The following DGKH variants were observed in gnomAD, a reference collection of about 807,000 sequenced individuals.
The protein encoded by DGKH is diacylglycerol kinase eta.
A neutral mutation model predicts 159.3 loss-of-function variants in DGKH; 90 were observed. The ratio of observed to expected loss-of-function variants is 0.57; its 90% CI spans 0.48 to 0.67. The LOEUF (loss-of-function observed/expected upper bound fraction) is 0.67, where lower values mean the gene tolerates loss of function less well. Ranked by LOEUF, DGKH falls within the 30% of genes least tolerant of loss-of-function variation. The pLI is 0.00. For missense variants in DGKH, 1,181 were observed against 1,506.1 expected (o/e 0.78, Z 3.57); for synonymous variants, 536 against 553.8 (o/e 0.97, Z 0.45).
At chr13:42,114,654 G>A (rs933869869) in intron 1 of DGKH, among the ~76,000 whole-genome samples, 2 of 152,208 alleles carry the variant, frequency 1.3e-5, no homozygotes, top group African/African-American at 4.8e-5. Context: ...TAAGATCGGT[G>A]TTCTAAGAAG....
At chr13:42,131,804 G>T (rs1955296662) in intron 3 of DGKH, among the ~76,000 whole-genome samples, 2 of 152,212 alleles carry the variant, frequency 1.3e-5, no homozygotes, top group South Asian at 4.1e-4. Flanking sequence ...ATATTTGAGG[G>T]ATTGTTAACT....
At chr13:42,040,324 C>A (rs573252694) in intron 1 of DGKH, among the ~76,000 whole-genome samples, 1 of 152,236 alleles carries the variant, frequency 6.6e-6, no homozygotes, top group South Asian at 2.1e-4. Context: ...CAGCCTAGCC[C>A]AGCCCAGCCC....
At position 42,048,791 on chromosome 13, in the gene DGKH, C is replaced by T. The variant is rs913927233; in HGVS notation, c.18C>T (p.Gly6=). The stretch of plus-strand genomic sequence containing the variant: ...CGGAGAGGATGGCAGGGGCCGGAGG[C>T]CAGCACCACCCTCCGGGCGCCGCTG... MAGAG[G]QHHPPGAAGG... Residue 6 remains glycine, a synonymous_variant, in exon 1 of 30, where the codon GGC becomes GGT. Transcript: ENST00000337343. The surrounding 1 kb of genome is among the most constrained non-coding windows in gnomAD (Gnocchi z 6.7). The T allele has an allele frequency of 6.1e-6, 8 of 1,310,674 alleles. No homozygotes were observed. In the African/African-American group the frequency reaches 1.1e-4, roughly 18 times the overall value. The allele number at this position is 1,310,674 out of a possible 1,614,324, so 81.2% of individuals were successfully genotyped here.
intron 1 of DGKH, chr13:42,069,100 C>T (rs1339291478): frequency 2.1e-6 from 3 of 1,401,786 alleles, no homozygotes; most frequent in Non-Finnish European, 2.0e-6. Context: ...AGAGGAACTC[C>T]TCACTGTTGT....
chr13:42,102,256 C>T (rs935256627), intron 1 of DGKH, among the ~76,000 whole-genome samples: 1 of 152,258 alleles, frequency 6.6e-6, no homozygotes, highest in Non-Finnish European at 1.5e-5. Flanking sequence ...AGGTCAAACA[C>T]CTGCTGGAGC....
At chr13:42,199,544 G>A (rs768090208) in intron 18 of DGKH, 22 bp from the exon 19 acceptor site, 7 of 1,486,324 alleles carry the variant, frequency 4.7e-6, no homozygotes, top group East Asian at 2.3e-5. Context: ...TGACTTTGAT[G>A]TACTTTTCCC....
In DGKH at chr13:42,204,186, T is replaced by C. The variant is rs75633086; in HGVS notation, c.2494-1853T>C. On this transcript the variant is annotated intron_variant, in intron 20 of 29. Coordinates refer to ENST00000337343, the MANE Select transcript of DGKH (RefSeq NM_178009.5). ...TTTATATTTACAGAGATAGTATTTT[T>C]CCCCATTTCCTTTGTTAGTCATATG... 4.6e-5 allele frequency among the ~76,000 whole-genome samples: 7 copies of C among 152,220 alleles called. No individual in the cohort carries two copies. In the East Asian group the frequency reaches 1.2e-3, roughly 25 times the overall value.
intron 29 of DGKH, among the ~76,000 whole-genome samples, chr13:42,224,228 T>G (rs1958060713): frequency 1.3e-5 from 2 of 152,234 alleles, no homozygotes; most frequent in African/African-American, 4.8e-5. Context: ...CCTATTGCAC[T>G]CCTGTTCTGC....
At chr13:42,050,310 G>A (rs1281722974) in intron 1 of DGKH, among the ~76,000 whole-genome samples, 3 of 152,194 alleles carry the variant, frequency 2.0e-5, no homozygotes, top group African/African-American at 7.2e-5. Flanking sequence ...GGCGGAGGTT[G>A]TGGCGAGCAG....
intron 1 of DGKH, chr13:42,070,478 G>A (rs1593982903): frequency 7.8e-7 from 1 of 1,276,386 alleles, no homozygotes; most frequent in African/African-American, 1.5e-5. Context: ...ATAATTATTA[G>A]GAGAAAGTAA....
intron 3 of DGKH, among the ~76,000 whole-genome samples, chr13:42,142,467 A>G (rs1017555930): frequency 5.3e-5 from 8 of 151,348 alleles, no homozygotes; most frequent in Non-Finnish European, 1.0e-4. Flanking sequence ...ATGGCATTGA[A>G]TCTATAAATT....
chr13:42,245,324 C>T (rs1164181455), downstream of DGKH, among the ~76,000 whole-genome samples: 1 of 152,144 alleles, frequency 6.6e-6, no homozygotes, highest in East Asian at 1.9e-4. Flanking sequence ...TTTCATGACG[C>T]TATCCCAATG....
intron 26 of DGKH, among the ~76,000 whole-genome samples, chr13:42,218,047 T>C (rs1957851368): frequency 6.6e-6 from 1 of 152,066 alleles, no homozygotes; most frequent in African/African-American, 2.4e-5. Flanking sequence ...ATCATCATCA[T>C]CATCATCATC....
At chr13:42,182,431 G>A (rs1254234751) in intron 13 of DGKH, among the ~76,000 whole-genome samples, 1 of 150,790 alleles carries the variant, frequency 6.6e-6, no homozygotes, top group Non-Finnish European at 1.5e-5. Flanking sequence ...ATTGGCTCCA[G>A]GACCCCCTTG....
At chr13:42,109,767 G>T (rs2137798084) in intron 1 of DGKH, among the ~76,000 whole-genome samples, 1 of 152,030 alleles carries the variant, frequency 6.6e-6, no homozygotes, top group South Asian at 2.1e-4. Flanking sequence ...ACCATTTCTT[G>T]GTTCCATGCT....
intron 24 of DGKH, among the ~76,000 whole-genome samples, chr13:42,213,031 A>G (rs1957697081): frequency 6.6e-6 from 1 of 152,202 alleles, no homozygotes; most frequent in Non-Finnish European, 1.5e-5. Flanking sequence ...TTGGCATAGT[A>G]TATGCAAGAT....
chr13:42,106,044 G>C (rs780455515), intron 1 of DGKH, among the ~76,000 whole-genome samples: 26 of 150,442 alleles, frequency 1.7e-4, no homozygotes, highest in Non-Finnish European at 3.1e-4. Flanking sequence ...GTCTTGCTCT[G>C]TCACCCAGGC....
chr13:42,048,279 C>G (rs1422311084), upstream of DGKH, among the ~76,000 whole-genome samples: 1 of 103,622 alleles, frequency 9.7e-6, no homozygotes. The surrounding 1 kb of genome is among the most constrained non-coding windows in gnomAD (Gnocchi z 6.7). Flanking sequence ...GGAGGAAGCT[C>G]CAGGTTCCCA....
chr13:42,137,016 G>A (rs1955415910), intron 3 of DGKH, among the ~76,000 whole-genome samples: 1 of 152,118 alleles, frequency 6.6e-6, no homozygotes, highest in Non-Finnish European at 1.5e-5. Context: ...AGCAGAGTGG[G>A]TTTTAGTGGT....
Sources: gnomAD v4.1 joint callset for allele counts (sites outside exome capture counted in the v4.1 genomes callset) on GRCh38, gnomAD v4.1.1 for gene constraint, Gnocchi (gnomAD v3.1) non-coding constraint, MANE v1.5 for transcripts, NCBI Gene and HGNC (gene_info 2026-07-23, HGNC 2026-07-21) for gene names.